The following CAPZA1 variants were observed in gnomAD, a reference collection of about 807,000 sequenced individuals.
CAPZA1 encodes F-actin-capping protein subunit alpha-1.
In CAPZA1, 10 loss-of-function variants were observed where a neutral mutation model predicts 40.8. That is an observed-to-expected ratio of 0.25 (90% CI 0.15 to 0.42). The LOEUF (loss-of-function observed/expected upper bound fraction) is 0.42, where lower values mean the gene tolerates loss of function less well. Among genes scored for constraint, CAPZA1 ranks in the 10% least tolerant of loss-of-function variants. The pLI is 1.00. For synonymous variants in CAPZA1, 98 were observed against 115.0 expected (o/e 0.85, Z 0.95); for missense variants, 277 against 353.8 (o/e 0.78, Z 1.74).
chr1:112,649,591 C>A, intron 3 of CAPZA1, 122 bp downstream of exon 3: 2 of 797,140 alleles, frequency 2.5e-6, no homozygotes, highest in Admixed American at 2.8e-5. Context: ...TTGGTTTTAG[C>A]AATTTTCGTT....
chr1:112,623,819 C>T (rs1017993102), intron 1 of CAPZA1, among the ~76,000 whole-genome samples: 2 of 151,206 alleles, frequency 1.3e-5, no homozygotes, highest in South Asian at 2.1e-4. Context: ...TCCTGGCTAA[C>T]GCAGTGAAAC....
intron 6 of CAPZA1, 145 bp downstream of exon 6, chr1:112,659,246 G>C: frequency 1.6e-6 from 1 of 623,462 alleles, no homozygotes; most frequent in African/African-American, 1.8e-5. Flanking sequence ...ATTCCTTACA[G>C]TTCTAAGGTT....
At chr1:112,622,928 C>A (rs947026692) in intron 1 of CAPZA1, among the ~76,000 whole-genome samples, 2 of 150,450 alleles carry the variant, frequency 1.3e-5, no homozygotes, top group East Asian at 3.9e-4. Flanking sequence ...TGTCTCCCAG[C>A]GGGCTGGAGT....
intron 3 of CAPZA1, chr1:112,649,807 C>A: frequency 3.6e-6 from 1 of 279,788 alleles, no homozygotes; most frequent in Non-Finnish European, 6.6e-6. Flanking sequence ...AATGATCTGC[C>A]AGTGAGGAAT....
At chr1:112,634,042 T>G (rs1184561837) in intron 1 of CAPZA1, among the ~76,000 whole-genome samples, 1 of 152,204 alleles carries the variant, frequency 6.6e-6, no homozygotes, top group African/African-American at 2.4e-5. Flanking sequence ...AGTTGTCTCC[T>G]CTTACTGTTA....
intron 1 of CAPZA1, among the ~76,000 whole-genome samples, chr1:112,639,673 ATCTT>A (rs766791911): frequency 7.2e-5 from 11 of 151,858 alleles, no homozygotes; most frequent in African/African-American, 2.2e-4. Context: ...AGTAGCTTTT[ATCTT>A]TCTTTATTTC....
At chr1:112,637,690 C>G (rs1242841125) in intron 1 of CAPZA1, among the ~76,000 whole-genome samples, 1 of 152,156 alleles carries the variant, frequency 6.6e-6, no homozygotes, top group African/African-American at 2.4e-5. Context: ...TGAGCTCAAG[C>G]GTTTCTCCAG....
At chr1:112,663,935 T>C (rs1671668567) in intron 7 of CAPZA1, among the ~76,000 whole-genome samples, 1 of 151,920 alleles carries the variant, frequency 6.6e-6, no homozygotes, top group East Asian at 1.9e-4. Context: ...CTGTTTGTCC[T>C]CATTCAAGAA....
At chr1:112,625,169 T>TTCCTTCTATCAGATA (rs1261365733) in intron 1 of CAPZA1, among the ~76,000 whole-genome samples, 3 of 152,188 alleles carry the variant, frequency 2.0e-5, no homozygotes, top group Non-Finnish European at 4.4e-5. Flanking sequence ...CCTCTGTGCA[T>TTCCTTCTATCAGATA]TCCTTCTATC....
intron 1 of CAPZA1, among the ~76,000 whole-genome samples, chr1:112,637,115 C>A (rs1400501379): frequency 6.6e-6 from 1 of 152,212 alleles, no homozygotes; most frequent in Admixed American, 6.5e-5. Flanking sequence ...GTCTAAGTTA[C>A]AATTCCAGCT....
rs1419478259 is a variant in CAPZA1, at chr1:112,670,296, GATTCTTT to G, written c.*165_*171del. The stretch of plus-strand genomic sequence containing the variant: ...ACTGTTGAACCTATAGCGTTGTCTT[GATTCTTT>G]TGTGTTCTCTGCCTTGTAATTTTCT... On this transcript the variant is annotated 3_prime_UTR_variant, in exon 10 of 10. Coordinates refer to ENST00000263168, the MANE Select transcript of CAPZA1 (RefSeq NM_006135.3). 1 of 515,740 alleles carries G rather than the reference GATTCTTT, an allele frequency of 1.9e-6. No homozygotes were observed. The highest frequency in any genetic ancestry group is 3.2e-6 in the Non-Finnish European group (1 of 309,392). 31.9% of individuals were successfully genotyped at this position (515,740 alleles called of 1,614,324 possible).
chr1:112,649,504 T>A, intron 3 of CAPZA1, 35 bp downstream of exon 3: 7 of 1,480,412 alleles, frequency 4.7e-6, no homozygotes, highest in Non-Finnish European at 6.6e-6. Context: ...AGAATGTTAC[T>A]CTAACATTGG....
At position 112,622,883 on chromosome 1, in the gene CAPZA1, CT is replaced by C. The variant is rs1185251876; in HGVS notation, c.39+3017del. 3.8e-3 allele frequency among the ~76,000 whole-genome samples: 534 copies of C among 139,528 alleles called. 1 individual carries two copies. Among genetic ancestry groups the C allele is most frequent in the South Asian group, 4.3e-3 (19 of 4,392 alleles). The allele number at this position is 139,528 out of a possible 152,430, so 91.5% of individuals were successfully genotyped here. ...TAGAGCACATGAAAAATATTTTATA[CT>C]TTTTTTTTTTTTTTTTGAAACGAAG... On this transcript the variant is annotated intron_variant, in intron 1 of 9. Transcript: ENST00000263168.
In CAPZA1 at chr1:112,670,205, T is replaced by G; in HGVS notation, c.*73T>G. On this transcript the variant is annotated 3_prime_UTR_variant, in exon 10 of 10. Coordinates refer to ENST00000263168, the MANE Select transcript of CAPZA1 (RefSeq NM_006135.3). ...GTGTGGTCATATGATAAATAAGTGA[T>G]TTATAAACAAGAGTGATATTTTGCT... The G allele has an allele frequency of 6.4e-7, 1 of 1,555,098 alleles. No individual in the cohort carries two copies. Among genetic ancestry groups the G allele is most frequent in the African/African-American group, 1.4e-5 (1 of 73,222 alleles).
intron 7 of CAPZA1, among the ~76,000 whole-genome samples, chr1:112,661,720 A>G (rs1429771584): frequency 6.6e-6 from 1 of 152,238 alleles, no homozygotes; most frequent in African/African-American, 2.4e-5. Flanking sequence ...CTAGATGGAA[A>G]CAGCCATTTG....
intron 5 of CAPZA1, among the ~76,000 whole-genome samples, chr1:112,656,687 A>C (rs1671506860): frequency 6.6e-6 from 1 of 152,024 alleles, no homozygotes; most frequent in Non-Finnish European, 1.5e-5. Flanking sequence ...CTTAGCTATC[A>C]AATGACCTAC....
At chr1:112,633,984 A>G (rs1670970624) in intron 1 of CAPZA1, among the ~76,000 whole-genome samples, 1 of 152,116 alleles carries the variant, frequency 6.6e-6, no homozygotes, top group Admixed American at 6.5e-5. Flanking sequence ...TTTTGGTATT[A>G]GCCCTTTATC....
chr1:112,669,262 C>T (rs1671783263), intron 8 of CAPZA1, among the ~76,000 whole-genome samples: 1 of 152,056 alleles, frequency 6.6e-6, no homozygotes, highest in African/African-American at 2.4e-5. Context: ...TTGGTGAAGA[C>T]CTAATTTCAG....
Position 112,619,873 on chromosome 1 carries a change from A to T in CAPZA1, c.29A>T (p.Asp10Val), listed in dbSNP as rs745399525. The T allele has an allele frequency of 4.3e-6, 7 of 1,612,412 alleles. No individual in the cohort carries two copies. In the South Asian group the frequency reaches 6.6e-5, roughly 15 times the overall value. MADFDDRVS[D>V]EEKVRIAAKF... Reference sequence around the variant, plus strand: ...GCCGACTTCGATGATCGTGTGTCGGATGAGGAGAAGGTAAGGGGTCCGCCT... The same window carrying T: ...GCCGACTTCGATGATCGTGTGTCGGTTGAGGAGAAGGTAAGGGGTCCGCCT... The change falls in exon 1 of 10, where the codon GAT becomes GTT. Residue 10 changes from aspartate to valine, a missense_variant. Physicochemically the swap from Asp to Val is radical, Grantham distance 152. Transcript: ENST00000263168.
Sources: allele counts gnomAD v4.1 joint callset (sites outside exome capture counted in the v4.1 genomes callset), GRCh38; gene constraint gnomAD v4.1.1; transcripts MANE v1.5; gene names NCBI Gene and HGNC (gene_info 2026-07-23, HGNC 2026-07-21).